Variants in SRRM4 observed in about 807,000 individuals in gnomAD.
The protein encoded by SRRM4 is serine/arginine repetitive matrix 4.
SRRM4 carries 33 observed loss-of-function variants against 68.9 expected under a neutral mutation model. The observed-to-expected ratio is 0.48, with a 90% CI of 0.36 to 0.64. The LOEUF is 0.64. Among genes scored for constraint, SRRM4 ranks in the 30% least tolerant of loss-of-function variants. SRRM4 has a pLI of 0.00. For missense variants in SRRM4, 817 were observed against 827.1 expected, an observed-to-expected ratio of 0.99 and a Z score of 0.15; for synonymous variants, 318 against 318.8, an observed-to-expected ratio of 1.00 and a Z score of 0.03.
chr12:119,091,649 C>T (rs1437207213), intron 1 of SRRM4, among the ~76,000 whole-genome samples: 2 of 152,156 alleles, frequency 1.3e-5, no homozygotes, highest in East Asian at 1.9e-4. Context: ...TTGCAATTTG[C>T]GGTTTCACCA....
rs972323864 is a variant in SRRM4 at position 118,982,105 on chromosome 12, G to A, written c.131+92G>A. 1.2e-4 allele frequency: 173 copies of A among 1,462,100 alleles called. No homozygotes were observed. In the Middle Eastern group the frequency reaches 1.3e-3, roughly 11 times the overall value. 90.6% of individuals were successfully genotyped at this position (1,462,100 alleles called of 1,614,324 possible). ...CGGAGGGGTGGATGCAGGCAGCCGG[G>A]CCAGGGCGCCTGTCTTTTCCCGTCA... On this transcript the variant is annotated intron_variant, in intron 1 of 12. Transcript: ENST00000267260.
rs1224685535 is a variant in SRRM4, at chr12:119,140,450, T to C, written c.772-4931T>C. Among the ~76,000 whole-genome samples, 3 of 152,128 alleles carry C rather than the reference T, an allele frequency of 2.0e-5. 1 individual carries two copies. Among genetic ancestry groups the C allele is most frequent in the Non-Finnish European group, 4.4e-5 (3 of 68,028 alleles). ...ACCAAATACTAGATCTCATTTATTC[T>C]CTCTAATTGCATTTTTGTACCCAGT... On this transcript the variant is annotated intron_variant, in intron 8 of 12. Transcript: ENST00000267260.
At chr12:119,035,488 C>T (rs754180239) in intron 1 of SRRM4, among the ~76,000 whole-genome samples, 3 of 152,212 alleles carry the variant, frequency 2.0e-5, no homozygotes, top group Non-Finnish European at 2.9e-5. Flanking sequence ...GTTGCCTCTC[C>T]TTCCCATTCT....
chr12:118,981,568 G>A lies in SRRM4; in HGVS notation c.-315G>A, dbSNP rs1376928440. On this transcript the variant is annotated 5_prime_UTR_variant, in exon 1 of 13. Coordinates refer to ENST00000267260, the MANE Select transcript of SRRM4 (RefSeq NM_194286.4). ...GCACGCACACACATCCGACCCCGTC[G>A]CCTCTTCTCTCCTGGTGCTGCCCAG... 7.0e-6 allele frequency: 2 copies of A among 284,738 alleles called. No individual in the cohort carries two copies. The highest frequency in any genetic ancestry group is 1.3e-5 in the Non-Finnish European group (2 of 152,008). 17.6% of individuals were successfully genotyped at this position (284,738 alleles called of 1,614,324 possible).
chr12:119,003,705 C>A (rs1217724009), intron 1 of SRRM4, among the ~76,000 whole-genome samples: 1 of 152,120 alleles, frequency 6.6e-6, no homozygotes, highest in South Asian at 2.1e-4. Flanking sequence ...CCAGCTCCCC[C>A]AGGGGCTTGC....
intron 2 of SRRM4, among the ~76,000 whole-genome samples, chr12:119,112,666 G>A: frequency 6.6e-6 from 1 of 152,182 alleles, no homozygotes; most frequent in East Asian, 1.9e-4. Context: ...CAAGGATGAA[G>A]CTGGAAGCTA....
chr12:119,083,777 C>T (rs565355109), intron 1 of SRRM4, among the ~76,000 whole-genome samples: 2 of 152,204 alleles, frequency 1.3e-5, no homozygotes, highest in African/African-American at 4.8e-5. Flanking sequence ...GTGCAGCTGC[C>T]CAGAACATTG....
intron 1 of SRRM4, among the ~76,000 whole-genome samples, chr12:119,067,807 C>T (rs1233978568): frequency 6.6e-6 from 1 of 152,170 alleles, no homozygotes; most frequent in Non-Finnish European, 1.5e-5. Context: ...TGGCCTTGGG[C>T]CTGTGATTTA....
chr12:119,024,753 C>A (rs1953537101), intron 1 of SRRM4, among the ~76,000 whole-genome samples: 1 of 152,152 alleles, frequency 6.6e-6, no homozygotes, highest in Non-Finnish European at 1.5e-5. Context: ...GCCTTAGGAT[C>A]TTTTCCAATC....
In SRRM4 at chr12:119,025,363, A is replaced by G. The variant is rs538810529; in HGVS notation, c.131+43350A>G. On this transcript the variant is annotated intron_variant, in intron 1 of 12. Transcript: ENST00000267260. ...TGGACAGTCAGGCAGAGTCCAGATC[A>G]TGGAGGTTTGTTAATCCAGGCCTGC... is the stretch of plus-strand genomic sequence containing the variant. 2.6e-5 allele frequency among the ~76,000 whole-genome samples: 4 copies of G among 152,090 alleles called. No individual in the cohort carries two copies. In the South Asian group the frequency reaches 6.3e-4, roughly 24 times the overall value.
At chr12:119,109,242 G>T (rs1262505826) in intron 2 of SRRM4, among the ~76,000 whole-genome samples, 1 of 151,616 alleles carries the variant, frequency 6.6e-6, no homozygotes, top group Non-Finnish European at 1.5e-5. Context: ...TTTCTCTCTG[G>T]CTGCCCTTAA....
At chr12:119,033,883 C>T (rs1386360716) in intron 1 of SRRM4, among the ~76,000 whole-genome samples, 3 of 152,128 alleles carry the variant, frequency 2.0e-5, no homozygotes, top group African/African-American at 7.2e-5. Flanking sequence ...AAGTTGGCTA[C>T]AGTTAAATTT....
chr12:119,040,424 C>T (rs1953659901), intron 1 of SRRM4, among the ~76,000 whole-genome samples: 2 of 152,170 alleles, frequency 1.3e-5, no homozygotes, highest in African/African-American at 4.8e-5. Flanking sequence ...GCTTAGCTCC[C>T]ACATATCAGT....
At chr12:119,071,547 A>G (rs1409307485) in intron 1 of SRRM4, among the ~76,000 whole-genome samples, 1 of 152,226 alleles carries the variant, frequency 6.6e-6, no homozygotes, top group Admixed American at 6.5e-5. Flanking sequence ...AAATAAGTAT[A>G]CAATACCAAT....
At chr12:119,050,650 A>G (rs1525974) in intron 1 of SRRM4, among the ~76,000 whole-genome samples, 2,205 of 152,218 alleles carry the variant, frequency 0.014, 47 homozygotes, top group African/African-American at 0.049. Context: ...ACAGTTTGGT[A>G]AGAACAAGAG....
At chr12:118,997,858 G>A (rs565059562) in intron 1 of SRRM4, among the ~76,000 whole-genome samples, 1 of 152,088 alleles carries the variant, frequency 6.6e-6, no homozygotes, top group East Asian at 1.9e-4. Context: ...TGAAGTATGG[G>A]GACACTATGT....
chr12:119,018,859 G>A (rs967647935), intron 1 of SRRM4, among the ~76,000 whole-genome samples: 1 of 152,090 alleles, frequency 6.6e-6, no homozygotes, highest in African/African-American at 2.4e-5. Context: ...AGTACCCTAG[G>A]AATCATAAAG....
intron 1 of SRRM4, among the ~76,000 whole-genome samples, chr12:119,014,456 T>C (rs1432718664): frequency 1.3e-5 from 2 of 151,966 alleles, no homozygotes; most frequent in Admixed American, 1.3e-4. Context: ...AGAACAGGTA[T>C]GATGCTCTAA....
In SRRM4 at chr12:119,162,656, T is replaced by TC. The variant is rs1278277054; in HGVS notation, c.*5859dup. On this transcript the variant is annotated 3_prime_UTR_variant, in exon 13 of 13. Coordinates refer to ENST00000267260, the MANE Select transcript of SRRM4 (RefSeq NM_194286.4). ...CTTCTCTCTGCACTGTATTTTTTTT[T>TC]CTCCCAATTCTTAGCTATTTCCTCA... 1.3e-5 allele frequency: 2 copies of TC among 152,134 alleles called. No individual in the cohort carries two copies. Among genetic ancestry groups the TC allele is most frequent in the Admixed American group, 6.5e-5 (1 of 15,268 alleles). The allele number at this position is 152,134 out of a possible 1,614,324, so 9.4% of individuals were successfully genotyped here.
Sources: allele counts gnomAD v4.1 joint callset (sites outside exome capture counted in the v4.1 genomes callset), GRCh38; gene constraint gnomAD v4.1.1; transcripts MANE v1.5; gene names NCBI Gene and HGNC (gene_info 2026-07-23, HGNC 2026-07-21).